DPP10: variants seen among roughly 807,000 people sequenced by gnomAD.
The protein encoded by DPP10 is dipeptidyl peptidase like 10, also known as inactive dipeptidyl peptidase 10.
Under a neutral mutation model 120.9 loss-of-function variants are expected in DPP10, and 33 were observed. The observed-to-expected ratio is 0.27, with a 90% CI of 0.21 to 0.37. DPP10 has a LOEUF of 0.37. DPP10 is among the 10% of genes least tolerant of loss of function. The pLI is 1.00. For synonymous variants in DPP10, 337 were observed against 326.1 expected (o/e 1.03, Z -0.36); for missense variants, 816 against 942.8 (o/e 0.87, Z 1.76).
rs1178297842 is a variant in DPP10, at chr2:114,460,829, C to T, written c.60+17991C>T. ...ATTATGTTTTTCTCTGAACAAAATG[C>T]ATTTTTATGTCAATTAAATGAGAGT... is the stretch of plus-strand genomic sequence containing the variant. On this transcript the variant is annotated intron_variant, in intron 1 of 25. Transcript: ENST00000410059. Among the ~76,000 whole-genome samples the T allele has an allele frequency of 6.6e-5, 10 of 152,228 alleles. No homozygotes were observed. In the East Asian group the frequency reaches 1.9e-3, roughly 29 times the overall value.
intron 3 of DPP10, among the ~76,000 whole-genome samples, chr2:115,453,135 G>A (rs142620024): frequency 6.6e-6 from 1 of 151,238 alleles, no homozygotes; most frequent in African/African-American, 2.4e-5. Context: ...AATAAGAAGG[G>A]TACATTTTTT....
chr2:115,733,166 G>A (rs1487936979), intron 8 of DPP10, among the ~76,000 whole-genome samples: 1 of 152,114 alleles, frequency 6.6e-6, no homozygotes, highest in Non-Finnish European at 1.5e-5. Context: ...AGCAGATTCT[G>A]ATTGTTACAC....
intron 1 of DPP10, among the ~76,000 whole-genome samples, chr2:114,603,488 A>C (rs1423688089): frequency 6.6e-6 from 1 of 152,082 alleles, no homozygotes; most frequent in Non-Finnish European, 1.5e-5. Context: ...ATATGTATGT[A>C]AAACTCCAAA....
intron 1 of DPP10, among the ~76,000 whole-genome samples, chr2:114,455,733 T>TTG (rs1329838370): frequency 6.7e-6 from 1 of 149,040 alleles, no homozygotes. Context: ...TCATTTGTTT[T>TTG]TTTTTTTTTT....
At chr2:114,711,757 C>T (rs901988073) in intron 1 of DPP10, among the ~76,000 whole-genome samples, 1 of 151,624 alleles carries the variant, frequency 6.6e-6, no homozygotes, top group Non-Finnish European at 1.5e-5. Flanking sequence ...CTGTTTTGTT[C>T]TTTTTTATAT....
chr2:115,456,576 A>G (rs1042454000), intron 3 of DPP10, among the ~76,000 whole-genome samples: 1 of 152,136 alleles, frequency 6.6e-6, no homozygotes, highest in African/African-American at 2.4e-5. Flanking sequence ...CCCATCAATG[A>G]TAGACTGGAT....
Position 114,646,198 on chromosome 2 carries a change from AAAG to A in DPP10, c.60+203361_60+203363del, listed in dbSNP as rs71420247. The stretch of plus-strand genomic sequence containing the variant: ...AATAAATAAATAAATAAATAAATAA[AAAG>A]GGGGAGAGGGGATCAAAAGCACTAG... On this transcript the variant is annotated intron_variant, in intron 1 of 25. Transcript: ENST00000410059. Among the ~76,000 whole-genome samples the A allele has an allele frequency of 1.2e-3, 177 of 150,496 alleles. 1 individual carries two copies. The East Asian group carries it at 0.017, about 15-fold the overall frequency.
At chr2:115,648,793 G>C (rs1221147325) in intron 5 of DPP10, among the ~76,000 whole-genome samples, 1 of 152,068 alleles carries the variant, frequency 6.6e-6, no homozygotes. Context: ...TAGTGGCGTG[G>C]AGAGTCCAAC....
intron 3 of DPP10, among the ~76,000 whole-genome samples, chr2:115,464,338 ATCT>A (rs1261948051): frequency 6.6e-6 from 1 of 152,030 alleles, no homozygotes; most frequent in African/African-American, 2.4e-5. Context: ...TGACAAAAAT[ATCT>A]TCTTAATGGT....
chr2:115,427,650 T>A (rs191997675), intron 3 of DPP10, among the ~76,000 whole-genome samples: 29 of 152,314 alleles, frequency 1.9e-4, no homozygotes, highest in Admixed American at 3.9e-4. Flanking sequence ...CCTGGGCCTC[T>A]GATGGGAGGG....
chr2:115,201,754 T>A (rs570249215), intron 1 of DPP10, among the ~76,000 whole-genome samples: 4 of 152,278 alleles, frequency 2.6e-5, no homozygotes, highest in African/African-American at 9.6e-5. Context: ...CAGCCCCTCC[T>A]TCCACAGTGG....
intron 1 of DPP10, among the ~76,000 whole-genome samples, chr2:114,552,778 T>G (rs1687990360): frequency 6.6e-6 from 1 of 152,170 alleles, no homozygotes; most frequent in African/African-American, 2.4e-5. Flanking sequence ...ACTCCTGACC[T>G]CAGGTGATCC....
In DPP10 at chr2:114,898,509, TA is replaced by T. The variant is rs574072318; in HGVS notation, c.61-410719del. 6.7e-3 allele frequency among the ~76,000 whole-genome samples: 935 copies of T among 140,050 alleles called. 3 individuals carry two copies. The highest frequency in any genetic ancestry group is 0.011 in the Middle Eastern group (3 of 268). The allele number at this position is 140,050 out of a possible 152,430, so 91.9% of individuals were successfully genotyped here. ...AACTTAAAGTATAATAATAACAAAA[TA>T]AAAAAAAAAATAAAGGTGGTAGGAA... On this transcript the variant is annotated intron_variant, in intron 1 of 25. Transcript: ENST00000410059.
intron 1 of DPP10, among the ~76,000 whole-genome samples, chr2:114,533,634 A>G (rs1445970154): frequency 6.6e-6 from 1 of 152,212 alleles, no homozygotes; most frequent in African/African-American, 2.4e-5. Context: ...AAAATTAAAA[A>G]AAAAGAAATG....
chr2:114,446,883 A>T (rs903706931), intron 1 of DPP10, among the ~76,000 whole-genome samples: 1 of 152,178 alleles, frequency 6.6e-6, no homozygotes, highest in Non-Finnish European at 1.5e-5. Flanking sequence ...AAATCTTATC[A>T]CAAGTATGTA....
At chr2:114,494,943 A>AT (rs1280142991) in intron 1 of DPP10, among the ~76,000 whole-genome samples, 4 of 152,086 alleles carry the variant, frequency 2.6e-5, no homozygotes, top group African/African-American at 9.7e-5. Flanking sequence ...GAGAGAGTTC[A>AT]TTTTGTAGTG....
intron 3 of DPP10, 84 bp downstream of exon 3, chr2:115,343,996 C>T (rs540400775): frequency 2.1e-5 from 24 of 1,122,548 alleles, no homozygotes; most frequent in South Asian, 1.1e-4. Flanking sequence ...GTAAGCTGGG[C>T]GCAATGGCTT....
intron 2 of DPP10, among the ~76,000 whole-genome samples, chr2:115,329,354 C>A (rs942276677): frequency 6.6e-6 from 1 of 151,670 alleles, no homozygotes; most frequent in Non-Finnish European, 1.5e-5. Context: ...ATTGTCTGAC[C>A]CAGGAAACAA....
chr2:114,471,516 C>T (rs1679908483), intron 1 of DPP10, among the ~76,000 whole-genome samples: 1 of 152,012 alleles, frequency 6.6e-6, no homozygotes, highest in Non-Finnish European at 1.5e-5. Flanking sequence ...TTTAATTACC[C>T]ATAGAAATAA....
Sources: allele counts gnomAD v4.1 joint callset (sites outside exome capture counted in the v4.1 genomes callset), GRCh38; gene constraint gnomAD v4.1.1; transcripts MANE v1.5; gene names NCBI Gene and HGNC (gene_info 2026-07-23, HGNC 2026-07-21).